PDE1C: variants seen among roughly 807,000 people sequenced by gnomAD.
PDE1C encodes phosphodiesterase 1C.
A neutral mutation model predicts 93.1 loss-of-function variants in PDE1C; 62 were observed. That is an observed-to-expected ratio of 0.67 (90% confidence interval 0.54 to 0.82). The LOEUF is 0.82. PDE1C is among the 40% of genes least tolerant of loss of function. The pLI, the probability that PDE1C is intolerant of heterozygous loss-of-function variation, is 0.00. For synonymous variants in PDE1C, 325 were observed against 310.1 expected, an observed-to-expected ratio of 1.05 and a Z score of -0.50; for missense variants, 742 against 884.6, an observed-to-expected ratio of 0.84 and a Z score of 2.04.
chr7:31,692,383 A>T, the PDE1C span: 1 of 1,346,246 alleles, frequency 7.4e-7, no homozygotes, highest in African/African-American at 1.5e-5. Context: ...CATACTTATT[A>T]ACTGTTTTTT....
intron 1 of PDE1C, among the ~76,000 whole-genome samples, chr7:32,326,247 T>C (rs1267941552): frequency 1.3e-5 from 2 of 152,182 alleles, no homozygotes; most frequent in African/African-American, 4.8e-5. Context: ...CAATGTTGAA[T>C]AGGCAGTTGC....
intron 3 of PDE1C, among the ~76,000 whole-genome samples, chr7:32,083,346 C>T (rs1026718725): frequency 4.0e-5 from 6 of 151,592 alleles, no homozygotes; most frequent in Non-Finnish European, 7.4e-5. Flanking sequence ...AAATATGGGA[C>T]TATGTGAAAA....
At chr7:32,298,875 G>T (rs1812799567) in exon 1 of PDE1C, 1 of 1,374,490 alleles carries the variant, frequency 7.3e-7, no homozygotes, top group South Asian at 1.7e-5. Flanking sequence ...CCCGCCGCGC[G>T]CTGGCAGCTG....
chr7:31,765,428 T>G (rs1240915496), intron 17 of PDE1C, among the ~76,000 whole-genome samples: 1 of 152,206 alleles, frequency 6.6e-6, no homozygotes, highest in Non-Finnish European at 1.5e-5. Flanking sequence ...GAATCATATT[T>G]TGGAGATAAC....
chr7:31,806,234 T>A lies in PDE1C; in HGVS notation c.1891+2797A>T, dbSNP rs3807620. Among the ~76,000 whole-genome samples, 46 of 152,070 alleles carry A rather than the reference T, an allele frequency of 3.0e-4. No homozygotes were observed. In the East Asian group the frequency reaches 3.7e-3, roughly 12 times the overall value. On this transcript the variant is annotated intron_variant, in intron 16 of 17. Transcript: ENST00000396191. ...AGGCACAAAAGATGGCTATCTCTTA[T>A]TTCTCTGTTAATGTGATCAAGTAAA...
intron 1 of PDE1C, among the ~76,000 whole-genome samples, chr7:32,409,398 G>C (rs1901199): frequency 0.033 from 5,024 of 152,084 alleles, 288 homozygotes; most frequent in African/African-American, 0.12. Flanking sequence ...AAACTTTTAA[G>C]TTATTTTTAT....
the PDE1C span, chr7:31,651,078 C>CA: frequency 6.4e-7 from 1 of 1,555,926 alleles, no homozygotes; most frequent in Non-Finnish European, 8.7e-7. Context: ...CAGGCTCCAC[C>CA]ATGGTGAGCT....
At chr7:32,086,700 G>A (rs1010420156) in intron 3 of PDE1C, among the ~76,000 whole-genome samples, 4 of 152,086 alleles carry the variant, frequency 2.6e-5, no homozygotes, top group African/African-American at 7.2e-5. Context: ...AAATAACACC[G>A]CATATCTACA....
upstream of PDE1C, among the ~76,000 whole-genome samples, chr7:32,301,745 A>G (rs1812886384): frequency 6.6e-6 from 1 of 152,224 alleles, no homozygotes; most frequent in African/African-American, 2.4e-5. Context: ...AGAATCGCTC[A>G]CTCAAGAAAG....
intron 1 of PDE1C, among the ~76,000 whole-genome samples, chr7:32,313,194 C>G (rs1371894203): frequency 1.3e-5 from 2 of 152,092 alleles, no homozygotes; most frequent in Non-Finnish European, 2.9e-5. Context: ...CAAATCAAAA[C>G]CACAATGAGA....
the PDE1C span, among the ~76,000 whole-genome samples, chr7:31,662,590 G>C: frequency 9.2e-5 from 14 of 152,196 alleles, no homozygotes; most frequent in Admixed American, 9.2e-4. Context: ...AAGTGTCTGT[G>C]TCTGTGTTGT....
chr7:32,243,644 A>G (rs1200285141), intron 1 of PDE1C, among the ~76,000 whole-genome samples: 3 of 152,218 alleles, frequency 2.0e-5, no homozygotes, highest in African/African-American at 7.2e-5. Context: ...GAGTCCTTCC[A>G]GTGACCAGCA....
At chr7:31,820,176 T>A (rs897816292) in intron 14 of PDE1C, among the ~76,000 whole-genome samples, 14 of 152,092 alleles carry the variant, frequency 9.2e-5, no homozygotes. Flanking sequence ...TATATTATGA[T>A]CCCAATTTGT....
In PDE1C at chr7:32,068,342, G is replaced by A. The variant is rs1175003383; in HGVS notation, c.101+1951C>T. The stretch of plus-strand genomic sequence containing the variant: ...GTTATTCCAAGTTGTATAAAAGAGT[G>A]TGTGCTTTGGTTTCCAGAGTCTTTA... On this transcript the variant is annotated intron_variant, in intron 1 of 17. Transcript: ENST00000396191. 1.3e-5 allele frequency among the ~76,000 whole-genome samples: 2 copies of A among 151,648 alleles called. 1 individual carries two copies. The highest frequency in any genetic ancestry group is 2.9e-5 in the Non-Finnish European group (2 of 68,002).
At chr7:31,908,398 G>A (rs950759850) in intron 2 of PDE1C, among the ~76,000 whole-genome samples, 1 of 152,022 alleles carries the variant, frequency 6.6e-6, no homozygotes, top group Non-Finnish European at 1.5e-5. Flanking sequence ...TGACCAAAAC[G>A]CCCCTCCACA....
In PDE1C at chr7:31,865,611, G is replaced by A. The variant is rs145413412; in HGVS notation, c.610-529C>T. ...CACTATTTGTAATGTAGTATCAGTA[G>A]AATGAAATCTTCCAAATTCCAAGTC... On this transcript the variant is annotated intron_variant, in intron 6 of 17. Transcript: ENST00000396191. Among the ~76,000 whole-genome samples the A allele has an allele frequency of 1.9e-3, 294 of 152,310 alleles. 2 individuals carry two copies. Among genetic ancestry groups the A allele is most frequent in the African/African-American group, 6.6e-3 (274 of 41,574 alleles).
At chr7:32,211,125 A>G (rs995113333) in intron 1 of PDE1C, among the ~76,000 whole-genome samples, 2 of 152,030 alleles carry the variant, frequency 1.3e-5, no homozygotes, top group African/African-American at 2.4e-5. Context: ...AGGAGAATCA[A>G]TTGAACCTGG....
At chr7:32,224,607 T>G (rs1807118164) in intron 1 of PDE1C, among the ~76,000 whole-genome samples, 1 of 152,176 alleles carries the variant, frequency 6.6e-6, no homozygotes, top group Admixed American at 6.5e-5. Flanking sequence ...TGGTATTATT[T>G]GTTTAAGGTC....
At chr7:32,116,775 T>C (rs2128760562) in intron 3 of PDE1C, among the ~76,000 whole-genome samples, 1 of 152,274 alleles carries the variant, frequency 6.6e-6, no homozygotes, top group African/African-American at 2.4e-5. Context: ...TTAGATAATT[T>C]TTGTCCCCTT....
Sources: gnomAD v4.1 joint callset for allele counts (sites outside exome capture counted in the v4.1 genomes callset) on GRCh38, gnomAD v4.1.1 for gene constraint, MANE v1.5 for transcripts, NCBI Gene and HGNC (gene_info 2026-07-23, HGNC 2026-07-21) for gene names.